TENM3: variants seen among roughly 807,000 people sequenced by gnomAD.
The protein encoded by TENM3 is teneurin-3.
Under a neutral mutation model 255.1 loss-of-function variants are expected in TENM3, and 63 were observed. That is an observed-to-expected ratio of 0.25 (90% CI 0.20 to 0.30). TENM3 has a LOEUF of 0.30. Among genes scored for constraint, TENM3 ranks in the 10% least tolerant of loss-of-function variants. The probability of loss-of-function intolerance (pLI) is 1.00; values close to 1 mark genes in which losing one functional copy is unlikely to be tolerated. For synonymous variants in TENM3, 1,306 were observed against 1,322.3 expected, an observed-to-expected ratio of 0.99 and a Z score of 0.27; for missense variants, 2,929 against 3,461.1, an observed-to-expected ratio of 0.85 and a Z score of 3.86.
At chr4:181,800,557 C>A in the TENM3 span, among the ~76,000 whole-genome samples, 1 of 152,066 alleles carries the variant, frequency 6.6e-6, no homozygotes, top group African/African-American at 2.4e-5. Context: ...TGCTTGAACC[C>A]GGGAGGTGGA....
At chr4:182,531,868 C>T (rs1248272000) in intron 3 of TENM3, among the ~76,000 whole-genome samples, 1 of 152,198 alleles carries the variant, frequency 6.6e-6, no homozygotes, top group Non-Finnish European at 1.5e-5. Context: ...TGTGCATAAA[C>T]AGTTTAAACA....
the TENM3 span, among the ~76,000 whole-genome samples, chr4:182,120,922 C>T: frequency 6.6e-6 from 1 of 152,148 alleles, no homozygotes; most frequent in South Asian, 2.1e-4. Context: ...CCATGGCTTT[C>T]TCTCTGACTG....
rs554351419 is a variant in TENM3 at position 182,560,401 on chromosome 4, A to G, written c.512-40523A>G. Reference sequence around the variant, plus strand: ...AGGTGATTCAGCCATTCAATATTTCAAAACTTTCGTTATTCCCTCGAGCTC... The same window carrying G: ...AGGTGATTCAGCCATTCAATATTTCGAAACTTTCGTTATTCCCTCGAGCTC... On this transcript the variant is annotated intron_variant, in intron 3 of 27. Transcript: ENST00000511685. Among the ~76,000 whole-genome samples the G allele has an allele frequency of 3.3e-5, 5 of 152,288 alleles. No homozygotes were observed. In the East Asian group the frequency reaches 9.7e-4, roughly 29 times the overall value.
the TENM3 span, among the ~76,000 whole-genome samples, chr4:181,604,383 C>CTT: frequency 4.6e-5 from 7 of 152,230 alleles, no homozygotes; most frequent in Admixed American, 3.3e-4. Context: ...AGAAATTTCG[C>CTT]TTGCATTTGG....
the TENM3 span, among the ~76,000 whole-genome samples, chr4:181,610,028 A>C: frequency 6.6e-6 from 1 of 152,244 alleles, no homozygotes; most frequent in Non-Finnish European, 1.5e-5. Flanking sequence ...AGTAACAAGC[A>C]GCACAATAGA....
the TENM3 span, among the ~76,000 whole-genome samples, chr4:182,060,261 T>A: frequency 6.6e-6 from 1 of 152,078 alleles, no homozygotes; most frequent in African/African-American, 2.4e-5. Flanking sequence ...TAAATAAAAG[T>A]AGTCTATGGC....
chr4:182,654,042 T>TAAA (rs1753553758), intron 6 of TENM3, 149 bp downstream of exon 6: 1 of 738,038 alleles, frequency 1.4e-6, no homozygotes, highest in Non-Finnish European at 1.9e-6. Flanking sequence ...TTTTTTCAAT[T>TAAA]AATTTACTTG....
chr4:181,640,747 G>A, the TENM3 span, among the ~76,000 whole-genome samples: 103,066 of 151,996 alleles, frequency 0.68, 35,225 homozygotes, highest in Non-Finnish European at 0.72. Context: ...AGGTGATGCC[G>A]GCGTTGCAGC....
chr4:181,875,205 A>G, the TENM3 span, among the ~76,000 whole-genome samples: 1 of 152,218 alleles, frequency 6.6e-6, no homozygotes, highest in Non-Finnish European at 1.5e-5. Flanking sequence ...TCTGCTGTTT[A>G]CCTAATGTAG....
chr4:182,582,792 A>G (rs1195420170), intron 3 of TENM3, among the ~76,000 whole-genome samples: 1 of 152,208 alleles, frequency 6.6e-6, no homozygotes, highest in Non-Finnish European at 1.5e-5. Flanking sequence ...AACTATTGCC[A>G]TTCCTTCAGT....
chr4:181,909,407 T>C, the TENM3 span, among the ~76,000 whole-genome samples: 1 of 152,168 alleles, frequency 6.6e-6, no homozygotes, highest in African/African-American at 2.4e-5. Flanking sequence ...CAAAGCCCCA[T>C]ACTGAAATGG....
the TENM3 span, among the ~76,000 whole-genome samples, chr4:181,822,543 A>T: frequency 6.6e-6 from 1 of 152,224 alleles, no homozygotes; most frequent in African/African-American, 2.4e-5. Context: ...AAATATAAAT[A>T]AAAGCTTTAT....
chr4:182,500,408 A>G (rs1736198515), intron 3 of TENM3, among the ~76,000 whole-genome samples: 1 of 152,174 alleles, frequency 6.6e-6, no homozygotes, highest in Non-Finnish European at 1.5e-5. Context: ...AATGGTCAGC[A>G]TTATTAATGA....
At chr4:181,843,209 A>G in the TENM3 span, among the ~76,000 whole-genome samples, 1 of 152,340 alleles carries the variant, frequency 6.6e-6, no homozygotes, top group South Asian at 2.1e-4. Flanking sequence ...AATTCAAACT[A>G]TATTCTCTTT....
At chr4:181,844,333 A>C in the TENM3 span, among the ~76,000 whole-genome samples, 1 of 152,126 alleles carries the variant, frequency 6.6e-6, no homozygotes, top group African/African-American at 2.4e-5. Flanking sequence ...AGATGAAATG[A>C]CCTTTATTAC....
the TENM3 span, among the ~76,000 whole-genome samples, chr4:182,065,557 C>A: frequency 1.1e-4 from 16 of 152,300 alleles, no homozygotes; most frequent in East Asian, 2.5e-3. Flanking sequence ...CACTCATTAT[C>A]GCGAGAACAG....
chr4:182,042,344 C>T, the TENM3 span, among the ~76,000 whole-genome samples: 1 of 152,232 alleles, frequency 6.6e-6, no homozygotes, highest in Admixed American at 6.5e-5. Context: ...ATTCTGAGGG[C>T]TTTCCATAAA....
At chr4:182,262,229 C>CA (rs1412465344) in intron 1 of TENM3, among the ~76,000 whole-genome samples, 15 of 152,090 alleles carry the variant, frequency 9.9e-5, no homozygotes, top group Non-Finnish European at 1.8e-4. Context: ...ATGTAATTAG[C>CA]AAATTTTATT....
the TENM3 span, among the ~76,000 whole-genome samples, chr4:181,758,269 A>G: frequency 1.3e-5 from 2 of 152,214 alleles, no homozygotes; most frequent in Admixed American, 6.5e-5. Flanking sequence ...CAGCAGAAGC[A>G]TGAGGACAGT....
Sources: allele counts gnomAD v4.1 joint callset (sites outside exome capture counted in the v4.1 genomes callset), GRCh38; gene constraint gnomAD v4.1.1; transcripts MANE v1.5; gene names NCBI Gene and HGNC (gene_info 2026-07-23, HGNC 2026-07-21).